Variants in PPM1H observed in about 807,000 individuals in gnomAD.
PPM1H encodes the protein protein phosphatase, Mg2+/Mn2+ dependent 1H.
Under a neutral mutation model 54.9 loss-of-function variants are expected in PPM1H, and 27 were observed. That is an observed-to-expected ratio of 0.49 (90% CI 0.36 to 0.68). PPM1H has a LOEUF of 0.68. Among genes scored for constraint, PPM1H ranks in the 30% least tolerant of loss-of-function variants. PPM1H has a pLI of 0.00. For missense variants in PPM1H, 596 were observed against 667.8 expected (o/e 0.89, Z 1.19); for synonymous variants, 305 against 270.8 (o/e 1.13, Z -1.24).
chr12:62,777,379 G>C (rs968683680), intron 4 of PPM1H, among the ~76,000 whole-genome samples: 2 of 152,210 alleles, frequency 1.3e-5, no homozygotes, highest in African/African-American at 4.8e-5. Flanking sequence ...AGAGGACAGA[G>C]ACCTCATCTG....
intron 8 of PPM1H, among the ~76,000 whole-genome samples, chr12:62,687,122 C>T (rs957754934): frequency 2.0e-5 from 3 of 152,210 alleles, no homozygotes; most frequent in Non-Finnish European, 2.9e-5. Flanking sequence ...TGGTTGGCCA[C>T]ATCAGTGGCA....
chr12:62,771,298 AC>A (rs2076578534), intron 4 of PPM1H, among the ~76,000 whole-genome samples: 1 of 60,170 alleles, frequency 1.7e-5, no homozygotes, highest in African/African-American at 8.5e-5. Flanking sequence ...TTGTGAAGAC[AC>A]ACACACACAC....
intron 5 of PPM1H, among the ~76,000 whole-genome samples, chr12:62,733,853 G>A (rs2076337003): frequency 2.6e-5 from 4 of 152,096 alleles, no homozygotes; most frequent in South Asian, 2.1e-4. Flanking sequence ...GTTTAAGGGC[G>A]ACACCAAATT....
chr12:62,669,376 T>A (rs2075940681), intron 8 of PPM1H, among the ~76,000 whole-genome samples: 1 of 152,206 alleles, frequency 6.6e-6, no homozygotes, highest in Non-Finnish European at 1.5e-5. Flanking sequence ...CAGCTAGGGA[T>A]CCTGCTAAAA....
intron 3 of PPM1H, among the ~76,000 whole-genome samples, chr12:62,793,380 G>T (rs2076711121): frequency 6.6e-6 from 1 of 152,006 alleles, no homozygotes; most frequent in Non-Finnish European, 1.5e-5. Context: ...CAGTTTTTAA[G>T]ATGTGGGATT....
intron 1 of PPM1H, among the ~76,000 whole-genome samples, chr12:62,860,475 A>G (rs2120968234): frequency 6.6e-6 from 1 of 152,258 alleles, no homozygotes; most frequent in Non-Finnish European, 1.5e-5. Flanking sequence ...AAGAAACAAA[A>G]CAGGCACAAA....
chr12:62,722,382 G>A (rs1376552039), intron 5 of PPM1H, among the ~76,000 whole-genome samples: 3 of 152,122 alleles, frequency 2.0e-5, no homozygotes, highest in South Asian at 2.1e-4. Context: ...AGCAGGAGTC[G>A]ATTTGATTTA....
chr12:62,839,853 C>T (rs891267163), intron 1 of PPM1H, among the ~76,000 whole-genome samples: 1 of 142,224 alleles, frequency 7.0e-6, no homozygotes, highest in Non-Finnish European at 1.5e-5. Context: ...GCCTGGTCAA[C>T]ATGGTGTGAT....
Position 62,650,610 on chromosome 12 carries a change from A to G in PPM1H, c.1398-1974T>C, listed in dbSNP as rs544412800. 2.0e-5 allele frequency among the ~76,000 whole-genome samples: 3 copies of G among 152,316 alleles called. No individual in the cohort carries two copies. The South Asian group carries it at 6.2e-4, about 32-fold the overall frequency. Reference sequence around the variant, plus strand: ...CCTGAGACTGGGTAATTTATAAGCAAAAGAGGTTTAATTGTCTCACAGTTC... The same window carrying G: ...CCTGAGACTGGGTAATTTATAAGCAGAAGAGGTTTAATTGTCTCACAGTTC... On this transcript the variant is annotated intron_variant, in intron 9 of 9. Transcript: ENST00000228705.
chr12:62,903,636 G>A (rs952326463), intron 1 of PPM1H, among the ~76,000 whole-genome samples: 3 of 152,090 alleles, frequency 2.0e-5, no homozygotes, highest in African/African-American at 4.8e-5. Flanking sequence ...TTCCTTCAAT[G>A]GCAGAAAACA....
intron 4 of PPM1H, among the ~76,000 whole-genome samples, chr12:62,778,980 AAAGG>A (rs747430887): frequency 1.5e-4 from 23 of 151,914 alleles, no homozygotes; most frequent in Non-Finnish European, 2.4e-4. Context: ...AAAGGGAAGG[AAAGG>A]AAGGAAGGAA....
At chr12:62,846,448 C>T (rs1266990433) in intron 1 of PPM1H, among the ~76,000 whole-genome samples, 8 of 151,002 alleles carry the variant, frequency 5.3e-5, no homozygotes, top group African/African-American at 1.7e-4. Context: ...TGCAGTGAGC[C>T]GAGATTGCGC....
chr12:62,896,954 C>T (rs1312470430), intron 1 of PPM1H, among the ~76,000 whole-genome samples: 3 of 151,884 alleles, frequency 2.0e-5, no homozygotes, highest in Non-Finnish European at 4.4e-5. Context: ...TTTGTAGGGA[C>T]ATGGATGAAG....
At chr12:62,906,054 T>C (rs980790648) in intron 1 of PPM1H, among the ~76,000 whole-genome samples, 2 of 152,216 alleles carry the variant, frequency 1.3e-5, no homozygotes, top group African/African-American at 4.8e-5. Flanking sequence ...AAATATAAAA[T>C]GGAGCCTAGC....
intron 1 of PPM1H, among the ~76,000 whole-genome samples, chr12:62,933,729 C>T (rs1346844715): frequency 6.6e-6 from 1 of 152,150 alleles, no homozygotes; most frequent in South Asian, 2.1e-4. Flanking sequence ...TCCTCCACCT[C>T]TCCTTTCCCG....
intron 1 of PPM1H, among the ~76,000 whole-genome samples, chr12:62,897,514 A>G (rs143470931): frequency 6.6e-6 from 1 of 152,264 alleles, no homozygotes; most frequent in African/African-American, 2.4e-5. Flanking sequence ...TGATTAAGAC[A>G]ATACAATGTC....
At chr12:62,768,066 T>C (rs1463759349) in intron 4 of PPM1H, among the ~76,000 whole-genome samples, 1 of 152,136 alleles carries the variant, frequency 6.6e-6, no homozygotes, top group African/African-American at 2.4e-5. Context: ...AACATAACTT[T>C]TTGAGGGAAC....
chr12:62,888,152 C>T (rs1439324092), intron 1 of PPM1H, among the ~76,000 whole-genome samples: 4 of 152,166 alleles, frequency 2.6e-5, no homozygotes, highest in African/African-American at 7.2e-5. Flanking sequence ...CAAAAGAACA[C>T]GCTGATGAGG....
intron 2 of PPM1H, among the ~76,000 whole-genome samples, chr12:62,827,007 TTC>T (rs1314403314): frequency 6.6e-6 from 1 of 152,218 alleles, no homozygotes; most frequent in Non-Finnish European, 1.5e-5. Flanking sequence ...GTCATCATGT[TTC>T]TGTTACACAC....
Sources: gnomAD v4.1 joint callset for allele counts (sites outside exome capture counted in the v4.1 genomes callset) on GRCh38, gnomAD v4.1.1 for gene constraint, MANE v1.5 for transcripts, NCBI Gene and HGNC (gene_info 2026-07-23, HGNC 2026-07-21) for gene names.